The following MICU1 variants were observed in gnomAD, a reference collection of about 807,000 sequenced individuals.
MICU1 encodes calcium uptake protein 1, mitochondrial.
MICU1 carries 45 observed loss-of-function variants against 56.8 expected under a neutral mutation model. The observed-to-expected ratio is 0.79, with a 90% CI of 0.62 to 1.02. The LOEUF (loss-of-function observed/expected upper bound fraction) is 1.02. Among genes scored for constraint, MICU1 ranks in the 50% least tolerant of loss-of-function variants. The probability of loss-of-function intolerance (pLI) is 0.00; values close to 1 mark genes in which losing one functional copy is unlikely to be tolerated. For missense variants in MICU1, 504 were observed against 587.1 expected, an observed-to-expected ratio of 0.86 and a Z score of 1.46; for synonymous variants, 186 against 195.1, an observed-to-expected ratio of 0.95 and a Z score of 0.39.
chr10:72,601,902 C>A (rs1185683842), intron 1 of MICU1, among the ~76,000 whole-genome samples: 2 of 151,348 alleles, frequency 1.3e-5, no homozygotes, highest in African/African-American at 4.9e-5. Flanking sequence ...CAGGTTCAAG[C>A]GATTCTTCTG....
chr10:72,477,739 C>T, intron 6 of MICU1: 1 of 586,594 alleles, frequency 1.7e-6, no homozygotes, highest in East Asian at 2.9e-5. Flanking sequence ...TAAGTGCAGT[C>T]AGGAGTTCTG....
intron 6 of MICU1, among the ~76,000 whole-genome samples, chr10:72,482,934 C>T (rs1866350475): frequency 6.6e-6 from 1 of 151,780 alleles, no homozygotes; most frequent in Non-Finnish European, 1.5e-5. Context: ...TGGCTCACTG[C>T]AACCTCCACC....
Position 72,475,177 on chromosome 10 carries a change from C to G in MICU1, c.856G>C (p.Asp286His). 1 of 1,611,182 alleles carries G rather than the reference C, an allele frequency of 6.2e-7. No homozygotes were observed. Among genetic ancestry groups the G allele is most frequent in the South Asian group, 1.1e-5 (1 of 90,368 alleles). The change falls in exon 8 of 12, where the codon GAT (aspartate) becomes CAT (histidine). Residue 286 changes from aspartate to histidine, a missense_variant. Transcript: ENST00000361114. ...SALTTYFFGA[D>H]LKGKLTIKNF... is the part of the protein sequence containing the mutation. ...TTGATTGTCAGCTTTCCCTTCAGAT[C>G]AGCTCCAAAAAAGTAGGTTGTGAGG...
chr10:72,495,014 T>G (rs1866790852), intron 6 of MICU1, among the ~76,000 whole-genome samples: 1 of 152,230 alleles, frequency 6.6e-6, no homozygotes, highest in Non-Finnish European at 1.5e-5. Flanking sequence ...TAAACTGGTT[T>G]TCCTTACACT....
intron 9 of MICU1, among the ~76,000 whole-genome samples, chr10:72,414,272 T>C (rs1863913982): frequency 6.6e-6 from 1 of 152,218 alleles, no homozygotes; most frequent in South Asian, 2.1e-4. Flanking sequence ...AAATACTATT[T>C]ACTCTTCTGC....
At chr10:72,402,637 G>A (rs1177114172) in intron 10 of MICU1, among the ~76,000 whole-genome samples, 1 of 151,992 alleles carries the variant, frequency 6.6e-6, no homozygotes, top group East Asian at 1.9e-4. Context: ...TTAGTGCTTT[G>A]GAGAGACTGA....
intron 6 of MICU1, among the ~76,000 whole-genome samples, chr10:72,500,294 A>ATG (rs1867014262): frequency 1.4e-4 from 1 of 7,146 alleles, no homozygotes; most frequent in Non-Finnish European, 5.8e-4. Context: ...ATATATATAT[A>ATG]TATATATATT....
intron 6 of MICU1, among the ~76,000 whole-genome samples, chr10:72,495,215 T>A (rs1436438423): frequency 7.0e-6 from 1 of 141,902 alleles, no homozygotes; most frequent in East Asian, 2.0e-4. Context: ...TAGACCCCCA[T>A]CCCTAACTTC....
Position 72,397,347 on chromosome 10 carries a change from A to C in MICU1, c.1180+10582T>G, listed in dbSNP as rs561494759. On this transcript the variant is annotated intron_variant, in intron 10 of 11. Transcript: ENST00000361114. Reference sequence around the variant, plus strand: ...AAAAACAGGCCAAATTGCAAAGACCATCGATGCTATGAAGAAACTGCATCA... The same window carrying C: ...AAAAACAGGCCAAATTGCAAAGACCCTCGATGCTATGAAGAAACTGCATCA... Among the ~76,000 whole-genome samples, 3 of 152,366 alleles carry C rather than the reference A, an allele frequency of 2.0e-5. No individual in the cohort carries two copies. The South Asian group carries it at 6.2e-4, about 32-fold the overall frequency.
chr10:72,579,538 G>A (rs1472509977), intron 1 of MICU1, among the ~76,000 whole-genome samples: 2 of 152,124 alleles, frequency 1.3e-5, no homozygotes, highest in East Asian at 3.8e-4. Context: ...TTTGAGTGCT[G>A]CCATGGTGTT....
chr10:72,455,813 T>C (rs1165488235), intron 8 of MICU1, among the ~76,000 whole-genome samples: 1 of 150,548 alleles, frequency 6.6e-6, no homozygotes, highest in Non-Finnish European at 1.5e-5. Context: ...CTCTATATCC[T>C]GAAAAAAAAA....
At chr10:72,593,767 C>T (rs934317417) in intron 1 of MICU1, among the ~76,000 whole-genome samples, 3 of 152,188 alleles carry the variant, frequency 2.0e-5, no homozygotes, top group African/African-American at 7.2e-5. Flanking sequence ...AAAACAATTC[C>T]GTTTACAATG....
At chr10:72,547,533 G>GTATATA (rs5786084) in intron 4 of MICU1, among the ~76,000 whole-genome samples, 6,428 of 146,082 alleles carry the variant, frequency 0.044, 191 homozygotes, top group Admixed American at 0.084. Flanking sequence ...ATACACATAT[G>GTATATA]TATATATATA....
chr10:72,381,965 C>T (rs901715755), intron 10 of MICU1, among the ~76,000 whole-genome samples: 3 of 50,288 alleles, frequency 6.0e-5, no homozygotes, highest in Non-Finnish European at 9.4e-5. Context: ...TATATCTATA[C>T]ACACACACAC....
In MICU1 at chr10:72,512,097, G is replaced by GTTTTTTTTTTTTT. The variant is rs1867471926; in HGVS notation, c.538-3829_538-3828insAAAAAAAAAAAAA. Among the ~76,000 whole-genome samples, 7 of 100,702 alleles carry GTTTTTTTTTTTTT rather than the reference G, an allele frequency of 7.0e-5. 1 individual carries two copies. Among genetic ancestry groups the GTTTTTTTTTTTTT allele is most frequent in the African/African-American group, 2.1e-4 (5 of 24,086 alleles). The allele number at this position is 100,702 out of a possible 152,430, so 66.1% of individuals were successfully genotyped here. The stretch of plus-strand genomic sequence containing the variant: ...CTTATCAATCTGGCATCCATACACA[G>GTTTTTTTTTTTTT]TTGTTTTTTGTTTTTTTTTTTTTTT... On this transcript the variant is annotated intron_variant, in intron 5 of 11. Coordinates refer to ENST00000361114, the MANE Select transcript of MICU1 (RefSeq NM_001195518.2).
rs10535513 is a variant in MICU1, at chr10:72,381,963, TACACACACACACAC to T, written c.1181-6105_1181-6092del. On this transcript the variant is annotated intron_variant, in intron 10 of 11. Coordinates refer to ENST00000361114, the MANE Select transcript of MICU1 (RefSeq NM_001195518.2). Reference sequence around the variant, plus strand: ...AGGAGACTGTGTATATATATATCTATACACACACACACACACACACACACACACACACACACACA... The same window carrying T: ...AGGAGACTGTGTATATATATATCTATACACACACACACACACACACACACA... Among the ~76,000 whole-genome samples, 100 of 138,448 alleles carry T rather than the reference TACACACACACACAC, an allele frequency of 7.2e-4. 2 individuals carry two copies. Among genetic ancestry groups the T allele is most frequent in the African/African-American group, 2.3e-3 (87 of 37,636 alleles). The allele number at this position is 138,448 out of a possible 152,430, so 90.8% of individuals were successfully genotyped here.
At chr10:72,581,990 C>T (rs1248719455) in intron 1 of MICU1, among the ~76,000 whole-genome samples, 5 of 152,160 alleles carry the variant, frequency 3.3e-5, no homozygotes, top group Admixed American at 6.5e-5. Flanking sequence ...AGAGCAATGG[C>T]GCGATCTCAG....
At chr10:72,379,528 C>T (rs1862633522) in intron 10 of MICU1, 1 of 421,786 alleles carries the variant, frequency 2.4e-6, no homozygotes, top group Non-Finnish European at 4.8e-6. Flanking sequence ...CAGCCTTCTG[C>T]AATTGTCTTG....
chr10:72,425,113 A>G (rs1864304845), intron 8 of MICU1, among the ~76,000 whole-genome samples: 1 of 152,254 alleles, frequency 6.6e-6, no homozygotes, highest in Non-Finnish European at 1.5e-5. Flanking sequence ...CAATGTTTAA[A>G]TCAGATTTTC....
Sources: allele counts gnomAD v4.1 joint callset (sites outside exome capture counted in the v4.1 genomes callset), GRCh38; gene constraint gnomAD v4.1.1; transcripts MANE v1.5; gene names NCBI Gene and HGNC (gene_info 2026-07-23, HGNC 2026-07-21).